Variants in ABCC8 observed in about 807,000 individuals in gnomAD.
The protein encoded by ABCC8 is ATP binding cassette subfamily C member 8, also known as ATP-binding cassette sub-family C member 8.
In ABCC8, 137 loss-of-function variants were observed where a neutral mutation model predicts 188.0. That is an observed-to-expected ratio of 0.73 (90% CI 0.63 to 0.84). ABCC8 has a LOEUF of 0.84. ABCC8 is among the 40% of genes least tolerant of loss of function. ABCC8 has a pLI of 0.00. For synonymous variants in ABCC8, 797 were observed against 846.5 expected (o/e 0.94, Z 1.01); for missense variants, 1,750 against 2,072.7 (o/e 0.84, Z 3.02).
intron 20 of ABCC8, 161 bp from the exon 21 acceptor site, chr11:17,412,907 G>A (rs747248089): frequency 5.7e-5 from 83 of 1,462,220 alleles, no homozygotes; most frequent in Admixed American, 4.6e-4. Context: ...CGTGTTTACT[G>A]AATTCATTCA....
chr11:17,406,807 AT>A lies in ABCC8; in HGVS notation c.3163-20del, dbSNP rs1954552589. The A allele has an allele frequency of 6.2e-7, 1 of 1,614,146 alleles. No homozygotes were observed. The highest frequency in any genetic ancestry group is 2.2e-5 in the East Asian group (1 of 44,866). ...TGCACTCCTTCACAGGCAGAGAGTG[AT>A]TTGGAGTTCCAGGGTGCCCATGGGC... On this transcript the variant is annotated intron_variant, in intron 25 of 38. Transcript: ENST00000389817.
At chr11:17,458,045 C>A (rs1591877745) in intron 6 of ABCC8, among the ~76,000 whole-genome samples, 1 of 152,210 alleles carries the variant, frequency 6.6e-6, no homozygotes, top group East Asian at 1.9e-4. Flanking sequence ...GTAAATGATC[C>A]CTTTCCCCCA....
chr11:17,425,414 A>G lies in ABCC8; in HGVS notation c.2222+1635T>C, dbSNP rs924065886. 9.2e-5 allele frequency among the ~76,000 whole-genome samples: 14 copies of G among 152,304 alleles called. No homozygotes were observed. In the South Asian group the frequency reaches 2.5e-3, roughly 27 times the overall value. On this transcript the variant is annotated intron_variant, in intron 16 of 38. Transcript: ENST00000389817. The stretch of plus-strand genomic sequence containing the variant: ...TTTCTCCCTGCTCAGTTCTGTACTC[A>G]TGCTTATGAAAAACCTGACACCTTC...
chr11:17,421,455 C>A (rs1955339626), intron 16 of ABCC8, among the ~76,000 whole-genome samples: 1 of 152,122 alleles, frequency 6.6e-6, no homozygotes, highest in Non-Finnish European at 1.5e-5. Flanking sequence ...GTTCCTGGTT[C>A]ATTCATTTAG....
At chr11:17,393,993 G>T (rs1432580631) in intron 37 of ABCC8, among the ~76,000 whole-genome samples, 2 of 152,192 alleles carry the variant, frequency 1.3e-5, no homozygotes, top group Non-Finnish European at 2.9e-5. Context: ...TGTGTGTGCT[G>T]TTGTGATAGG....
intron 29 of ABCC8, 47 bp downstream of exon 29, chr11:17,402,614 G>A (rs1381669235): frequency 6.2e-7 from 1 of 1,613,974 alleles, no homozygotes; most frequent in African/African-American, 1.3e-5. Context: ...GTGCCCCCTG[G>A]CCCCACCCCT....
At chr11:17,408,653 C>A (rs1398680190) in intron 22 of ABCC8, 136 bp from the exon 23 acceptor site, 7 of 1,378,042 alleles carry the variant, frequency 5.1e-6, no homozygotes, top group Non-Finnish European at 6.8e-6. Context: ...TCATCCACTG[C>A]AAGTGGGCTG....
chr11:17,463,345 G>T, intron 4 of ABCC8, 93 bp downstream of exon 4: 1 of 1,081,148 alleles, frequency 9.2e-7, no homozygotes, highest in South Asian at 1.4e-5. Context: ...TTCTCAGTTT[G>T]GCTGAGAAGC....
chr11:17,401,403 C>G (rs1479439285), intron 29 of ABCC8, among the ~76,000 whole-genome samples: 4 of 152,178 alleles, frequency 2.6e-5, no homozygotes, highest in Non-Finnish European at 5.9e-5. Context: ...CTCTGCTCTT[C>G]TTTACTTAGA....
chr11:17,431,429 T>C (rs553367835), intron 11 of ABCC8, among the ~76,000 whole-genome samples: 66 of 152,310 alleles, frequency 4.3e-4, no homozygotes, highest in African/African-American at 1.5e-3. Flanking sequence ...ACCAGCTCAA[T>C]ACATCACATT....
chr11:17,461,083 C>T (rs1316723177), intron 5 of ABCC8: 9 of 339,794 alleles, frequency 2.6e-5, no homozygotes, highest in East Asian at 2.4e-4. Flanking sequence ...CTGCCTCTGC[C>T]GCCTGCCAGC....
In ABCC8 at chr11:17,453,278, TTG is replaced by T; in HGVS notation, c.1015_1016del (p.Gln339IlefsTer43). The T allele has an allele frequency of 6.2e-7, 1 of 1,613,818 alleles. No homozygotes were observed. Among genetic ancestry groups the T allele is most frequent in the Non-Finnish European group, 8.5e-7 (1 of 1,179,942 alleles). On this transcript the variant is annotated frameshift_variant, in exon 7 of 39. Coordinates refer to ENST00000389817, the MANE Select transcript of ABCC8 (RefSeq NM_000352.6). LOFTEE classifies it high-confidence loss of function. ...KENDVFQPKT[Q>X]FLGVYFVSSQ... Reference sequence around the variant, plus strand: ...ATGAGACAAAGTAAACCCCGAGAAATTGTGTCTGTTGGAAAGAGAAGTTCAGA... The same window carrying T: ...ATGAGACAAAGTAAACCCCGAGAAATTGTCTGTTGGAAAGAGAAGTTCAGA...
intron 27 of ABCC8, 97 bp downstream of exon 27, chr11:17,405,397 A>G: frequency 6.4e-7 from 1 of 1,567,852 alleles, no homozygotes. Context: ...GAGGGCTGTG[A>G]TCACCTGATC....
intron 7 of ABCC8, among the ~76,000 whole-genome samples, chr11:17,450,268 TTC>T (rs1956722940): frequency 2.8e-5 from 3 of 106,652 alleles, no homozygotes; most frequent in Non-Finnish European, 3.9e-5. Context: ...TTCTCTTTCT[TTC>T]TTTCTTTCTT....
chr11:17,464,588 C>T (rs145775068), intron 3 of ABCC8, among the ~76,000 whole-genome samples: 7 of 152,318 alleles, frequency 4.6e-5, no homozygotes, highest in East Asian at 3.9e-4. Context: ...TCACACGCAG[C>T]GGGTGCTCTT....
chr11:17,408,071 A>G (rs977509631), intron 23 of ABCC8: 3 of 278,000 alleles, frequency 1.1e-5, no homozygotes, highest in Non-Finnish European at 2.1e-5. Flanking sequence ...TTTTGGTTTC[A>G]TGGGTCAATA....
At chr11:17,415,280 G>A (rs375866345) in intron 18 of ABCC8, 24 bp downstream of exon 18, 244 of 1,602,894 alleles carry the variant, frequency 1.5e-4, no homozygotes, top group Non-Finnish European at 2.0e-4. Context: ...GACCCTGGGG[G>A]GCAATGTTCC....
intron 8 of ABCC8, among the ~76,000 whole-genome samples, chr11:17,445,200 AG>A (rs1956476085): frequency 1.3e-5 from 2 of 152,198 alleles, no homozygotes; most frequent in African/African-American, 2.4e-5. Context: ...GATAAATGTC[AG>A]GGGGGCACCC....
At chr11:17,402,580 C>T in intron 29 of ABCC8, 81 bp downstream of exon 29, 1 of 1,613,296 alleles carries the variant, frequency 6.2e-7, no homozygotes, top group Non-Finnish European at 8.5e-7. Flanking sequence ...CAAGTGGAGT[C>T]CTGAGAATCA....
Sources: allele counts gnomAD v4.1 joint callset (sites outside exome capture counted in the v4.1 genomes callset), GRCh38; gene constraint gnomAD v4.1.1; transcripts MANE v1.5; gene names NCBI Gene and HGNC (gene_info 2026-07-23, HGNC 2026-07-21).